XRCC6: variants seen among roughly 807,000 people sequenced by gnomAD.
The protein encoded by XRCC6 is X-ray repair cross complementing 6.
A neutral mutation model predicts 65.7 loss-of-function variants in XRCC6; 5 were observed. That is an observed-to-expected ratio of 0.08 (90% confidence interval 0.04 to 0.16). The LOEUF is 0.16. Among genes scored for constraint, XRCC6 ranks in the 10% least tolerant of loss-of-function variants. The probability of loss-of-function intolerance (pLI) is 1.00; values close to 1 mark genes in which losing one functional copy is unlikely to be tolerated. For missense variants in XRCC6, 447 were observed against 738.1 expected, an observed-to-expected ratio of 0.61 and a Z score of 4.57; for synonymous variants, 270 against 270.6, an observed-to-expected ratio of 1.00 and a Z score of 0.02.
At chr22:41,652,199 G>A (rs1044415375) in intron 8 of XRCC6, among the ~76,000 whole-genome samples, 1 of 152,132 alleles carries the variant, frequency 6.6e-6, no homozygotes, top group African/African-American at 2.4e-5. Flanking sequence ...GGAAATTAAA[G>A]AGGATGTGAA....
intron 7 of XRCC6, chr22:41,648,286 A>G (rs539199354): frequency 8.5e-5 from 13 of 152,140 alleles, no homozygotes; most frequent in African/African-American, 3.1e-4. Context: ...CTAGAAAGTT[A>G]AACTGGGCCA....
intron 6 of XRCC6, among the ~76,000 whole-genome samples, chr22:41,643,560 C>CCTGT (rs2147095144): frequency 6.6e-6 from 1 of 152,302 alleles, no homozygotes; most frequent in Admixed American, 6.5e-5. Context: ...CTGGCTCATG[C>CCTGT]CTGTAATCCC....
In XRCC6 at chr22:41,645,728, G is replaced by A. The variant is rs867612864; in HGVS notation, c.774-1168G>A. Among the ~76,000 whole-genome samples, 391 of 144,042 alleles carry A rather than the reference G, an allele frequency of 2.7e-3. 3 individuals carry two copies. Among genetic ancestry groups the A allele is most frequent in the African/African-American group, 7.8e-3 (299 of 38,210 alleles). 94.5% of individuals were successfully genotyped at this position (144,042 alleles called of 152,430 possible). A position where few individuals can be genotyped will look rare whatever the true frequency, so the allele number is the denominator to read the frequency against. On this transcript the variant is annotated intron_variant, in intron 6 of 12. Coordinates refer to ENST00000360079, the MANE Select transcript of XRCC6 (RefSeq NM_001469.5). ...TTTTTTTTTTTTGAGATAGAGTCTC[G>A]CTCTGTCGCTAGGCTGGAGTGCGGT...
At chr22:41,653,097 G>A (rs1218577153) in intron 8 of XRCC6, among the ~76,000 whole-genome samples, 1 of 151,314 alleles carries the variant, frequency 6.6e-6, no homozygotes, top group Non-Finnish European at 1.5e-5. Context: ...ACCCTTACCT[G>A]TTGAGATATT....
At chr22:41,645,673 T>G (rs1195663252) in intron 6 of XRCC6, among the ~76,000 whole-genome samples, 1 of 151,834 alleles carries the variant, frequency 6.6e-6, no homozygotes, top group African/African-American at 2.4e-5. Context: ...GTAACCCTTA[T>G]TTTGATGGGG....
rs1360452119 is a variant in XRCC6 at position 41,621,346 on chromosome 22, G to C, written c.-16+1G>C. ...AGTTGGTCGCTTCCCTGCGCCAAAGGTAAGCGGGCCGTTATCCATTTGTGT... is the reference window on the plus strand; with the variant it reads ...AGTTGGTCGCTTCCCTGCGCCAAAGCTAAGCGGGCCGTTATCCATTTGTGT... On this transcript the variant is annotated splice_donor_variant, in intron 1 of 12. Coordinates refer to ENST00000360079, the MANE Select transcript of XRCC6 (RefSeq NM_001469.5). LOFTEE classifies it low-confidence loss of function (5UTR_SPLICE). 5.7e-6 allele frequency: 1 copy of C among 174,622 alleles called. No individual in the cohort carries two copies. Among genetic ancestry groups the C allele is most frequent in the Non-Finnish European group, 1.2e-5 (1 of 82,200 alleles). 10.8% of individuals were successfully genotyped at this position (174,622 alleles called of 1,614,324 possible).
At chr22:41,634,767 ACTC>A (rs1451250045) in intron 3 of XRCC6, among the ~76,000 whole-genome samples, 1 of 146,736 alleles carries the variant, frequency 6.8e-6, no homozygotes, top group Non-Finnish European at 1.5e-5. Context: ...ATGGTCTCGA[ACTC>A]CTGACCTCGT....
intron 3 of XRCC6, among the ~76,000 whole-genome samples, chr22:41,633,078 G>A (rs2067772948): frequency 6.6e-6 from 1 of 151,926 alleles, no homozygotes; most frequent in African/African-American, 2.4e-5. Flanking sequence ...AGTGAGCCGA[G>A]ATGGCACTAT....
chr22:41,662,858 G>A (rs780701339), intron 12 of XRCC6, among the ~76,000 whole-genome samples: 3 of 151,986 alleles, frequency 2.0e-5, no homozygotes, highest in African/African-American at 4.8e-5. Flanking sequence ...TGAGGTGGGC[G>A]GATCATGAGG....
At chr22:41,652,030 C>T (rs1440578206) in intron 8 of XRCC6, among the ~76,000 whole-genome samples, 4 of 152,080 alleles carry the variant, frequency 2.6e-5, no homozygotes, top group Non-Finnish European at 2.9e-5. Context: ...GTGATTCACC[C>T]GCCTCGGCCT....
intron 6 of XRCC6, among the ~76,000 whole-genome samples, chr22:41,638,869 A>T (rs1048724119): frequency 2.0e-5 from 3 of 152,098 alleles, no homozygotes; most frequent in African/African-American, 7.2e-5. Flanking sequence ...ACAAGACTAG[A>T]AGTGGCTCTG....
chr22:41,650,972 T>A, intron 8 of XRCC6, 81 bp downstream of exon 8: 2 of 1,533,076 alleles, frequency 1.3e-6, no homozygotes, highest in Non-Finnish European at 1.8e-6. Context: ...GGGCACTGCT[T>A]GGACACTGTA....
chr22:41,661,266 G>C (rs2068096324), intron 11 of XRCC6, 65 bp from the exon 12 acceptor site: 1 of 1,410,922 alleles, frequency 7.1e-7, no homozygotes, highest in African/African-American at 1.4e-5. Context: ...AGAGAGTTCT[G>C]GAAGTGGACA....
intron 3 of XRCC6, among the ~76,000 whole-genome samples, chr22:41,631,565 C>T (rs1307876438): frequency 3.0e-5 from 3 of 101,208 alleles, no homozygotes; most frequent in East Asian, 3.6e-4. Context: ...ACATCTCAGA[C>T]GATGGGCGGC....
At chr22:41,638,701 C>A (rs564041939) in intron 6 of XRCC6, among the ~76,000 whole-genome samples, 4 of 148,630 alleles carry the variant, frequency 2.7e-5, no homozygotes, top group Non-Finnish European at 4.4e-5. Flanking sequence ...TCGCTTGAAC[C>A]CAGGAGTCAG....
intron 9 of XRCC6, 129 bp downstream of exon 9, chr22:41,653,819 C>A: frequency 3.3e-6 from 4 of 1,228,474 alleles, no homozygotes; most frequent in East Asian, 2.6e-5. Flanking sequence ...TATTTTTAAG[C>A]TTTCTTGGGT....
At chr22:41,623,549 G>A (rs1221900026) in intron 2 of XRCC6, among the ~76,000 whole-genome samples, 2 of 151,462 alleles carry the variant, frequency 1.3e-5, no homozygotes, top group East Asian at 3.9e-4. Flanking sequence ...CACCACGCCC[G>A]GCCAGTTTTT....
chr22:41,639,419 G>A (rs1167982909), intron 6 of XRCC6, among the ~76,000 whole-genome samples: 3 of 130,150 alleles, frequency 2.3e-5, no homozygotes, highest in Admixed American at 9.5e-5. Context: ...CCTTAGCCTC[G>A]ACCTCCTGAG....
intron 8 of XRCC6, among the ~76,000 whole-genome samples, chr22:41,652,395 TC>T (rs1160389183): frequency 1.3e-5 from 2 of 150,916 alleles, no homozygotes; most frequent in East Asian, 3.9e-4. Context: ...AGACAGTGTC[TC>T]ACTCTGTCAC....
Sources: allele counts gnomAD v4.1 joint callset (sites outside exome capture counted in the v4.1 genomes callset), GRCh38; gene constraint gnomAD v4.1.1; transcripts MANE v1.5; gene names NCBI Gene and HGNC (gene_info 2026-07-23, HGNC 2026-07-21).